ITGB2: variants seen among roughly 807,000 people sequenced by gnomAD.
The protein encoded by ITGB2 is integrin beta-2.
A neutral mutation model predicts 86.8 loss-of-function variants in ITGB2; 56 were observed. That is an observed-to-expected ratio of 0.65 (90% CI 0.52 to 0.81). The LOEUF is 0.81. ITGB2 is among the 30% of genes least tolerant of loss of function. The pLI is 0.00. For missense variants in ITGB2, 948 were observed against 1,061.2 expected (o/e 0.89, Z 1.48); for synonymous variants, 457 against 450.4 (o/e 1.01, Z -0.19).
In ITGB2 at chr21:44,886,296, G is replaced by T. The variant is rs1424571446; in HGVS notation, c.*72C>A. 7.6e-7 allele frequency: 1 copy of T among 1,320,420 alleles called. No homozygotes were observed. Among genetic ancestry groups the T allele is most frequent in the Non-Finnish European group, 1.1e-6 (1 of 912,312 alleles). The allele number at this position is 1,320,420 out of a possible 1,614,324, so 81.8% of individuals were successfully genotyped here. The stretch of plus-strand genomic sequence containing the variant: ...ATTGGTGACATCCTCAAGAGCTGTG[G>T]CAAGCCATGTCTCGGCCGCGTGATG... On this transcript the variant is annotated 3_prime_UTR_variant, in exon 16 of 16. Transcript: ENST00000652462.
intron 9 of ITGB2, 147 bp downstream of exon 9, chr21:44,894,824 G>A: frequency 2.9e-6 from 2 of 700,372 alleles, no homozygotes; most frequent in South Asian, 1.5e-5. Flanking sequence ...GGAGGCCTGA[G>A]GGCAGGTCGG....
chr21:44,896,352 G>T (rs1366657510), intron 8 of ITGB2, among the ~76,000 whole-genome samples: 1 of 152,240 alleles, frequency 6.6e-6, no homozygotes, highest in Non-Finnish European at 1.5e-5. Flanking sequence ...AGTTTCCATG[G>T]GTGTTAAACA....
chr21:44,920,586 C>T (rs1403609308), intron 1 of ITGB2, among the ~76,000 whole-genome samples: 2 of 152,148 alleles, frequency 1.3e-5, no homozygotes, highest in Admixed American at 6.5e-5. Context: ...ATGCCGGCCC[C>T]ATCCTCAGCC....
intron 5 of ITGB2, among the ~76,000 whole-genome samples, chr21:44,902,801 C>T (rs1051702541): frequency 2.0e-5 from 3 of 151,774 alleles, no homozygotes; most frequent in African/African-American, 7.3e-5. Context: ...TGTGAGCATG[C>T]ATTTGCTTGT....
chr21:44,886,508 C>T (rs1378694798), intron 15 of ITGB2, 78 bp from the exon 16 acceptor site: 10 of 1,504,248 alleles, frequency 6.6e-6, no homozygotes, highest in African/African-American at 4.1e-5. Context: ...GGACACTCCC[C>T]GCATGGAAGC....
intron 3 of ITGB2, among the ~76,000 whole-genome samples, chr21:44,907,793 G>C (rs912587007): frequency 6.6e-6 from 1 of 152,216 alleles, no homozygotes; most frequent in Admixed American, 6.5e-5. Flanking sequence ...GCCCCCAGAG[G>C]CTGGTGAGTC....
intron 1 of ITGB2, among the ~76,000 whole-genome samples, chr21:44,918,563 C>T (rs544677530): frequency 7.9e-5 from 12 of 152,338 alleles, no homozygotes; most frequent in African/African-American, 2.9e-4. Flanking sequence ...AGCCTGCTCA[C>T]CCCATGCCCC....
chr21:44,903,580 C>T, intron 4 of ITGB2, 45 bp from the exon 5 acceptor site: 1 of 1,611,152 alleles, frequency 6.2e-7, no homozygotes. Context: ...TCACATCTCA[C>T]ACAGGGTGTC....
chr21:44,918,679 G>A (rs1472240882), intron 1 of ITGB2, among the ~76,000 whole-genome samples: 2 of 152,234 alleles, frequency 1.3e-5, no homozygotes, highest in Non-Finnish European at 2.9e-5. Context: ...CTCTTCCCCA[G>A]GGAGTCTCCT....
intron 11 of ITGB2, among the ~76,000 whole-genome samples, chr21:44,891,262 C>G (rs1435555369): frequency 6.6e-6 from 1 of 152,180 alleles, no homozygotes; most frequent in Non-Finnish European, 1.5e-5. Flanking sequence ...GGTGCCCACG[C>G]CTGGCAGGGG....
At chr21:44,894,895 G>A (rs2083841044) in intron 9 of ITGB2, 76 bp downstream of exon 9, 3 of 1,024,314 alleles carry the variant, frequency 2.9e-6, no homozygotes, top group Non-Finnish European at 4.7e-6. Context: ...CTGCTGACCT[G>A]CAGCAGGAGC....
At chr21:44,888,646 C>T in intron 14 of ITGB2, 47 bp downstream of exon 14, 1 of 1,590,908 alleles carries the variant, frequency 6.3e-7, no homozygotes, top group East Asian at 2.2e-5. Flanking sequence ...GGAGACCCCG[C>T]AGCCGGAGCT....
chr21:44,888,124 C>A (rs1568879022), intron 14 of ITGB2, among the ~76,000 whole-genome samples: 1 of 149,912 alleles, frequency 6.7e-6, no homozygotes, highest in Non-Finnish European at 1.5e-5. Context: ...GGGGCTGGGA[C>A]TGGTTCCGAC....
chr21:44,891,963 A>G lies in ITGB2; in HGVS notation c.1258T>C (p.Cys420Arg), dbSNP rs768052824. Residue 420 changes from cysteine (C) to arginine (R), a missense_variant, in exon 11 of 16, where the codon TGC becomes CGC. Coordinates refer to ENST00000652462, the MANE Select transcript of ITGB2 (RefSeq NM_000211.5). ...ATGACAAACGACTGCTCCTGGATGC[A>G]CTCTGTGGCCGTGACCTTCACCTGG... is the stretch of plus-strand genomic sequence containing the variant. The part of the protein sequence containing the change: ...TFQVKVTATE[C>R]IQEQSFVIRA... 1.2e-5 allele frequency: 20 copies of G among 1,613,020 alleles called. No individual in the cohort carries two copies. Among genetic ancestry groups the G allele is most frequent in the Non-Finnish European group, 1.6e-5 (19 of 1,179,946 alleles).
intron 1 of ITGB2, 110 bp downstream of exon 1, chr21:44,920,711 C>A (rs2084290788): frequency 6.6e-6 from 1 of 152,406 alleles, no homozygotes; most frequent in Non-Finnish European, 1.5e-5. Context: ...CTGCCAGACA[C>A]CCCTGGGCCG....
intron 1 of ITGB2, among the ~76,000 whole-genome samples, chr21:44,917,510 T>C (rs1195662872): frequency 3.3e-5 from 5 of 152,232 alleles, no homozygotes; most frequent in African/African-American, 1.2e-4. Flanking sequence ...AGCTACTGGC[T>C]TTCTTGTTCC....
chr21:44,894,543 C>T (rs2083835890), intron 9 of ITGB2: 2 of 280,866 alleles, frequency 7.1e-6, no homozygotes, highest in Non-Finnish European at 1.4e-5. Context: ...TTCTCTGGAG[C>T]TTGCCCAGGA....
At chr21:44,894,715 A>G (rs142837987) in intron 9 of ITGB2, 13 of 538,378 alleles carry the variant, frequency 2.4e-5, no homozygotes, top group Non-Finnish European at 1.3e-5. Context: ...AAGAGTCTGG[A>G]ATGAAGAGTC....
chr21:44,899,503 T>C (rs2083916843), intron 7 of ITGB2, among the ~76,000 whole-genome samples: 1 of 152,148 alleles, frequency 6.6e-6, no homozygotes, highest in Non-Finnish European at 1.5e-5. Flanking sequence ...GTAGAGGCCA[T>C]GAGTGTCAGG....
Sources: allele counts gnomAD v4.1 joint callset (sites outside exome capture counted in the v4.1 genomes callset), GRCh38; gene constraint gnomAD v4.1.1; transcripts MANE v1.5; gene names NCBI Gene and HGNC (gene_info 2026-07-23, HGNC 2026-07-21).